SAMD5: variants seen among roughly 807,000 people sequenced by gnomAD.
SAMD5 encodes sterile alpha motif domain containing 5.
Under a neutral mutation model 11.3 loss-of-function variants are expected in SAMD5, and 13 were observed. That is an observed-to-expected ratio of 1.15 (90% CI 0.75 to 1.83). The LOEUF is 1.83. Among genes scored for constraint, SAMD5 ranks in the 40% most tolerant of loss-of-function variants. The pLI, the probability that SAMD5 is intolerant of heterozygous loss-of-function variation, is 0.00. For missense variants in SAMD5, 255 were observed against 239.1 expected, an observed-to-expected ratio of 1.07 and a Z score of -0.44; for synonymous variants, 129 against 111.3, an observed-to-expected ratio of 1.16 and a Z score of -1.00.
chr6:147,759,893 G>A, the SAMD5 span, among the ~76,000 whole-genome samples: 5 of 152,146 alleles, frequency 3.3e-5, no homozygotes, highest in African/African-American at 9.7e-5. Flanking sequence ...TACAGAATAT[G>A]TAAATTCTTA....
chr6:147,654,459 A>T (rs529920572), intron 1 of SAMD5, among the ~76,000 whole-genome samples: 6 of 152,294 alleles, frequency 3.9e-5, no homozygotes, highest in Admixed American at 1.3e-4. Context: ...GCCCCTGAAC[A>T]GTTTCAGTGA....
At chr6:147,576,522 A>AG (rs1789219839) in intron 1 of SAMD5, among the ~76,000 whole-genome samples, 1 of 152,166 alleles carries the variant, frequency 6.6e-6, no homozygotes, top group Admixed American at 6.5e-5. Context: ...TACAGTGGAA[A>AG]GGGGGTGGGG....
chr6:147,766,646 A>G, the SAMD5 span, among the ~76,000 whole-genome samples: 1 of 152,226 alleles, frequency 6.6e-6, no homozygotes, highest in South Asian at 2.1e-4. Context: ...CACGTCTTAG[A>G]GAAAGTTATT....
In SAMD5 at chr6:147,646,969, C is replaced by G. The variant is rs550024463; in HGVS notation, c.163-90348C>G. On this transcript the variant is annotated intron_variant, in intron 1 of 1. Transcript: ENST00000566741. ...CCTGGCCAACATGGTGAAACCTCAT[C>G]TCTAATAATAATAATAATAATAATA... 5.8e-5 allele frequency among the ~76,000 whole-genome samples: 8 copies of G among 139,060 alleles called. No individual in the cohort carries two copies. The South Asian group carries it at 1.8e-3, about 31-fold the overall frequency. 91.2% of individuals were successfully genotyped at this position (139,060 alleles called of 152,430 possible). A position where few individuals can be genotyped will look rare whatever the true frequency, so the allele number is the denominator to read the frequency against.
At chr6:147,533,332 C>T (rs1201817166) in intron 1 of SAMD5, among the ~76,000 whole-genome samples, 2 of 151,730 alleles carry the variant, frequency 1.3e-5, no homozygotes, top group Admixed American at 6.6e-5. Context: ...CGCAGTGGCT[C>T]CTGCCTGTAA....
chr6:147,799,500 C>G, the SAMD5 span, among the ~76,000 whole-genome samples: 3 of 151,418 alleles, frequency 2.0e-5, no homozygotes, highest in Admixed American at 2.0e-4. Flanking sequence ...CTGCCCTTAA[C>G]ATTTTTTCCT....
chr6:147,551,243 CT>C (rs756243645), intron 1 of SAMD5, among the ~76,000 whole-genome samples: 4 of 152,146 alleles, frequency 2.6e-5, no homozygotes, highest in Non-Finnish European at 5.9e-5. Flanking sequence ...CCTCATCAGT[CT>C]ATTCCCTAAA....
chr6:147,804,698 G>A, the SAMD5 span, among the ~76,000 whole-genome samples: 3,414 of 152,262 alleles, frequency 0.022, 132 homozygotes, highest in African/African-American at 0.077. Flanking sequence ...GTAGTATCTC[G>A]TTTCTTAGGC....
chr6:147,695,300 C>A (rs1280211537), intron 1 of SAMD5, among the ~76,000 whole-genome samples: 1 of 151,640 alleles, frequency 6.6e-6, no homozygotes, highest in African/African-American at 2.4e-5. Flanking sequence ...TTAATGAGAT[C>A]TGCTTTGAGT....
intron 1 of SAMD5, among the ~76,000 whole-genome samples, chr6:147,706,507 C>A (rs112086621): frequency 6.6e-6 from 1 of 152,122 alleles, no homozygotes; most frequent in South Asian, 2.1e-4. Context: ...GGACTACAGG[C>A]GTGAGCCACC....
chr6:147,900,970 C>T, the SAMD5 span, among the ~76,000 whole-genome samples: 117 of 152,118 alleles, frequency 7.7e-4, 1 homozygote, highest in South Asian at 5.4e-3. Flanking sequence ...GGGCTCAGAA[C>T]CTTGTTTTTC....
At chr6:147,591,479 C>T (rs771860325) in intron 1 of SAMD5, among the ~76,000 whole-genome samples, 1 of 152,250 alleles carries the variant, frequency 6.6e-6, no homozygotes, top group African/African-American at 2.4e-5. Flanking sequence ...TTTCTTTCTT[C>T]CCACTTACAT....
At chr6:147,914,377 G>C in the SAMD5 span, among the ~76,000 whole-genome samples, 2 of 152,098 alleles carry the variant, frequency 1.3e-5, no homozygotes, top group Non-Finnish European at 2.9e-5. Flanking sequence ...AGGCATTGAA[G>C]TCAGCTACTG....
intron 1 of SAMD5, among the ~76,000 whole-genome samples, chr6:147,655,454 GT>G (rs926701840): frequency 3.3e-5 from 5 of 151,818 alleles, no homozygotes; most frequent in African/African-American, 4.8e-5. Flanking sequence ...CGTTGCCCTA[GT>G]TTTTTTTATA....
At chr6:147,675,362 C>T (rs1790847921) in intron 1 of SAMD5, among the ~76,000 whole-genome samples, 2 of 152,304 alleles carry the variant, frequency 1.3e-5, no homozygotes, top group East Asian at 1.9e-4. Context: ...CCATCCTGAA[C>T]GTGTTCCCTC....
the SAMD5 span, among the ~76,000 whole-genome samples, chr6:147,844,580 G>A: frequency 6.6e-6 from 1 of 151,816 alleles, no homozygotes; most frequent in African/African-American, 2.4e-5. Context: ...CAAAATATGG[G>A]AACAACCTAC....
chr6:147,927,145 G>A, the SAMD5 span, among the ~76,000 whole-genome samples: 10 of 152,092 alleles, frequency 6.6e-5, no homozygotes, highest in South Asian at 2.1e-4. Context: ...TTGGTTATTC[G>A]GGCTTTTTTT....
At chr6:147,923,008 C>T in the SAMD5 span, among the ~76,000 whole-genome samples, 5 of 151,998 alleles carry the variant, frequency 3.3e-5, no homozygotes, top group East Asian at 1.9e-4. Context: ...GCCACTGCCG[C>T]GAATAACATT....
Position 147,728,581 on chromosome 6 carries a change from G to T in SAMD5, c.163-8736G>T, listed in dbSNP as rs150217462. 3.5e-3 allele frequency among the ~76,000 whole-genome samples: 528 copies of T among 152,236 alleles called. 4 individuals are homozygous for T. The highest frequency in any genetic ancestry group is 0.012 in the African/African-American group (500 of 41,532). On this transcript the variant is annotated intron_variant, in intron 1 of 1. Transcript: ENST00000566741. ...AAATTCAGAGGAACATAGAACCGCG[G>T]GCTGAGTGTGCAACCTGGGAAACAC...
Sources: allele counts gnomAD v4.1 joint callset (sites outside exome capture counted in the v4.1 genomes callset), GRCh38; gene constraint gnomAD v4.1.1; transcripts MANE v1.5; gene names NCBI Gene and HGNC (gene_info 2026-07-23, HGNC 2026-07-21).